The following PIP5K1B variants were observed in gnomAD, a reference collection of about 807,000 sequenced individuals.
PIP5K1B encodes the protein phosphatidylinositol-4-phosphate 5-kinase type 1 beta.
Under a neutral mutation model 67.0 loss-of-function variants are expected in PIP5K1B, and 42 were observed. That is an observed-to-expected ratio of 0.63 (90% confidence interval 0.49 to 0.81). The LOEUF (loss-of-function observed/expected upper bound fraction) is 0.81, where lower values mean the gene tolerates loss of function less well. PIP5K1B is among the 30% of genes least tolerant of loss of function. The pLI is 0.00. For missense variants in PIP5K1B, 459 were observed against 646.3 expected (o/e 0.71, Z 3.14); for synonymous variants, 214 against 231.4 (o/e 0.92, Z 0.68).
At chr9:68,901,628 G>A (rs1825357688) in intron 8 of PIP5K1B, among the ~76,000 whole-genome samples, 2 of 152,196 alleles carry the variant, frequency 1.3e-5, no homozygotes, top group African/African-American at 4.8e-5. Context: ...TTGCTCCATT[G>A]TCTTAAAATT....
chr9:68,819,253 A>G (rs1297778740), intron 3 of PIP5K1B, among the ~76,000 whole-genome samples: 1 of 152,168 alleles, frequency 6.6e-6, no homozygotes, highest in East Asian at 1.9e-4. Context: ...CAAGTCCCTT[A>G]TCTAAAATGA....
At chr9:68,708,953 G>A (rs112019670) in intron 1 of PIP5K1B, among the ~76,000 whole-genome samples, 5,313 of 152,190 alleles carry the variant, frequency 0.035, 142 homozygotes, top group African/African-American at 0.08. Flanking sequence ...CCGTTTATGG[G>A]TAAGAAAACT....
chr9:68,906,869 G>T (rs1020336557), intron 8 of PIP5K1B, among the ~76,000 whole-genome samples: 1 of 152,166 alleles, frequency 6.6e-6, no homozygotes, highest in African/African-American at 2.4e-5. Context: ...TAGACACAGA[G>T]ATTCTCCATC....
At chr9:68,881,230 C>G (rs997675505) in intron 6 of PIP5K1B, among the ~76,000 whole-genome samples, 1 of 152,306 alleles carries the variant, frequency 6.6e-6, no homozygotes, top group South Asian at 2.1e-4. Context: ...AATATGTACT[C>G]AAACTAGCCT....
At chr9:68,998,072 C>CT (rs542788542) in intron 15 of PIP5K1B, among the ~76,000 whole-genome samples, 7,781 of 126,896 alleles carry the variant, frequency 0.061, 339 homozygotes, top group African/African-American at 0.15. Context: ...TTTTTCTTTT[C>CT]TTTTTTTTTT....
chr9:68,859,651 TG>T (rs1302842486), intron 4 of PIP5K1B, among the ~76,000 whole-genome samples: 2 of 152,290 alleles, frequency 1.3e-5, no homozygotes, highest in African/African-American at 4.8e-5. Context: ...ACTGGTCTGT[TG>T]GTGGTATCCT....
At chr9:68,985,866 T>C (rs985721832) in intron 14 of PIP5K1B, among the ~76,000 whole-genome samples, 1 of 152,272 alleles carries the variant, frequency 6.6e-6, no homozygotes, top group African/African-American at 2.4e-5. Flanking sequence ...TTATGTAATA[T>C]GTGGTCCTCT....
chr9:68,819,723 A>G (rs551488073), intron 3 of PIP5K1B, among the ~76,000 whole-genome samples: 118 of 152,330 alleles, frequency 7.7e-4, no homozygotes, highest in African/African-American at 2.8e-3. Context: ...GCAGTTTACC[A>G]GTACATCCCC....
At chr9:68,891,186 G>A (rs1425874449) in intron 7 of PIP5K1B, among the ~76,000 whole-genome samples, 1 of 152,156 alleles carries the variant, frequency 6.6e-6, no homozygotes, top group Admixed American at 6.5e-5. Context: ...GAAGGTTGAG[G>A]CTGCAGTGAA....
At chr9:68,916,858 C>G (rs181612765) in intron 8 of PIP5K1B, among the ~76,000 whole-genome samples, 1 of 147,876 alleles carries the variant, frequency 6.8e-6, no homozygotes, top group African/African-American at 2.5e-5. Context: ...GGCGACAGGG[C>G]GAGACTCTGT....
intron 2 of PIP5K1B, among the ~76,000 whole-genome samples, chr9:68,799,831 A>G (rs1319727365): frequency 2.6e-5 from 4 of 152,204 alleles, no homozygotes; most frequent in Non-Finnish European, 5.9e-5. Flanking sequence ...TTTGGCAGCA[A>G]TTTCCTGGAT....
chr9:68,970,287 A>G (rs375374963), intron 14 of PIP5K1B, among the ~76,000 whole-genome samples: 1 of 152,240 alleles, frequency 6.6e-6, no homozygotes, highest in South Asian at 2.1e-4. Context: ...TGTGCCATCC[A>G]GAATTATAGC....
chr9:68,778,064 T>G (rs1165897172), intron 2 of PIP5K1B, among the ~76,000 whole-genome samples: 3 of 152,142 alleles, frequency 2.0e-5, no homozygotes, highest in African/African-American at 7.2e-5. Flanking sequence ...TAGACCTTTG[T>G]TTCGTCTCAG....
At chr9:68,748,500 T>C (rs1005535020) in intron 2 of PIP5K1B, among the ~76,000 whole-genome samples, 3 of 152,180 alleles carry the variant, frequency 2.0e-5, no homozygotes, top group Non-Finnish European at 2.9e-5. Context: ...CAGACACTCA[T>C]ATCATGAAAG....
At chr9:68,715,651 T>C (rs906772741) in intron 1 of PIP5K1B, among the ~76,000 whole-genome samples, 1 of 152,128 alleles carries the variant, frequency 6.6e-6, no homozygotes, top group Non-Finnish European at 1.5e-5. Flanking sequence ...CAGGGCCCAT[T>C]GCATCCCCAT....
intron 6 of PIP5K1B, among the ~76,000 whole-genome samples, chr9:68,885,872 G>A (rs6560418): frequency 0.075 from 11,340 of 152,128 alleles, 921 homozygotes; most frequent in African/African-American, 0.2. Flanking sequence ...ATTATTTGTC[G>A]ATCGAAAATT....
At chr9:68,733,726 G>A (rs955716506) in intron 1 of PIP5K1B, among the ~76,000 whole-genome samples, 63 of 131,654 alleles carry the variant, frequency 4.8e-4, no homozygotes, top group Non-Finnish European at 2.8e-4. Flanking sequence ...TGTAACCTCC[G>A]CCTCCCGGGT....
chr9:68,820,076 A>C (rs1833657690), intron 3 of PIP5K1B, among the ~76,000 whole-genome samples: 2 of 152,122 alleles, frequency 1.3e-5, no homozygotes, highest in African/African-American at 4.8e-5. Flanking sequence ...TTGTTTTTTT[A>C]AGCACCCTTC....
rs572842423 is a variant in PIP5K1B, at chr9:68,948,169, G to A, written c.1502+7379G>A. ...CTTTTCCCAAGTGTCAAGAAATGAA[G>A]TCATCAAGCAAATGATACCACATGT... On this transcript the variant is annotated intron_variant, in intron 14 of 15. Transcript: ENST00000265382. Among the ~76,000 whole-genome samples the A allele has an allele frequency of 1.8e-4, 28 of 152,322 alleles. No individual in the cohort carries two copies. In the East Asian group the frequency reaches 5.4e-3, roughly 29 times the overall value.
Sources: allele counts gnomAD v4.1 joint callset (sites outside exome capture counted in the v4.1 genomes callset), GRCh38; gene constraint gnomAD v4.1.1; transcripts MANE v1.5; gene names NCBI Gene and HGNC (gene_info 2026-07-23, HGNC 2026-07-21).